Variants in CWC15 observed in about 807,000 individuals in gnomAD.
The protein encoded by CWC15 is CWC15 spliceosome associated protein, also known as spliceosome-associated protein CWC15 homolog.
CWC15 carries 12 observed loss-of-function variants against 28.4 expected under a neutral mutation model. That is an observed-to-expected ratio of 0.42 (90% CI 0.27 to 0.69). CWC15 has a LOEUF of 0.69. Among genes scored for constraint, CWC15 ranks in the 30% least tolerant of loss-of-function variants. CWC15 has a pLI of 0.23. For synonymous variants in CWC15, 92 were observed against 88.4 expected (o/e 1.04, Z -0.23); for missense variants, 192 against 271.5 (o/e 0.71, Z 2.06).
At chr11:94,964,673 T>G (rs913221269) in intron 6 of CWC15, among the ~76,000 whole-genome samples, 3 of 152,196 alleles carry the variant, frequency 2.0e-5, no homozygotes, top group South Asian at 2.1e-4. Flanking sequence ...AAACACTTTG[T>G]TTCACTTCTT....
In CWC15 at chr11:94,970,868, A is replaced by G. The variant is rs587725696; in HGVS notation, c.333+109T>C. ...GAGGTCAGGGCTATATTTGAATAACAGTAACTAAACATAAATATATGTCAC... is the reference window on the plus strand; with the variant it reads ...GAGGTCAGGGCTATATTTGAATAACGGTAACTAAACATAAATATATGTCAC... On this transcript the variant is annotated intron_variant, in intron 4 of 6. Transcript: ENST00000279839. The G allele has an allele frequency of 1.6e-4, 149 of 906,164 alleles. No homozygotes were observed. In the African/African-American group the frequency reaches 1.9e-3, roughly 11 times the overall value. 56.1% of individuals were successfully genotyped at this position (906,164 alleles called of 1,614,324 possible).
chr11:94,966,365 G>A lies in CWC15; in HGVS notation c.490C>T (p.Leu164=). 1 of 1,558,400 alleles carries A rather than the reference G, an allele frequency of 6.4e-7. No homozygotes were observed. The highest frequency in any genetic ancestry group is 1.2e-5 in the South Asian group (1 of 84,506). The change falls in exon 6 of 7, where the codon CTG becomes TTG. Residue 164 remains leucine, a synonymous_variant. Coordinates refer to ENST00000279839, the MANE Select transcript of CWC15 (RefSeq NM_016403.4). ...EEERIRMENI[L]SGNPLLNLTG... is the part of the protein sequence containing the mutation. ...AGATTAAGGAGAGGGTTTCCGCTCA[G>A]AATGTTTTCCATACGAATCCTCTCT...
chr11:94,963,301 G>T lies in CWC15; in HGVS notation c.*84C>A. The T allele has an allele frequency of 9.0e-7, 1 of 1,109,012 alleles. No homozygotes were observed. The highest frequency in any genetic ancestry group is 1.2e-6 in the Non-Finnish European group (1 of 826,384). 68.7% of individuals were successfully genotyped at this position (1,109,012 alleles called of 1,614,324 possible). ...GGGAAGCCCACACACAATTTAGACA[G>T]GGGAAAAGAAAAAAAAAACTCATAA... On this transcript the variant is annotated 3_prime_UTR_variant, in exon 7 of 7. Transcript: ENST00000279839.
At chr11:94,963,566 A>G in intron 6 of CWC15, 52 bp from the exon 7 acceptor site, 1 of 1,513,108 alleles carries the variant, frequency 6.6e-7, no homozygotes, top group Non-Finnish European at 8.9e-7. Context: ...ATCAGGAGAC[A>G]AGAATACTAC....
chr11:94,971,545 C>G (rs1857722342), intron 2 of CWC15, 58 bp from the exon 3 acceptor site: 58 of 962,926 alleles, frequency 6.0e-5, no homozygotes, highest in East Asian at 1.8e-4. Context: ...CACACACACA[C>G]AGAGACTGTA....
chr11:94,970,562 T>C lies in CWC15; in HGVS notation c.333+415A>G, dbSNP rs1857705183. On this transcript the variant is annotated intron_variant, in intron 4 of 6. Transcript: ENST00000279839. Reference sequence around the variant, plus strand: ...CCCTCCCTAAGCACAGAGGGAACCATTAAGTGTATTGCACTTATAGAAGGG... The same window carrying C: ...CCCTCCCTAAGCACAGAGGGAACCACTAAGTGTATTGCACTTATAGAAGGG... 4 of 183,024 alleles carry C rather than the reference T, an allele frequency of 2.2e-5. No homozygotes were observed. The South Asian group carries it at 4.6e-4, about 21-fold the overall frequency. The allele number at this position is 183,024 out of a possible 1,614,324, so 11.3% of individuals were successfully genotyped here. A position where few individuals can be genotyped will look rare whatever the true frequency, so the allele number is the denominator to read the frequency against.
chr11:94,964,011 T>C (rs919013432), intron 6 of CWC15, among the ~76,000 whole-genome samples: 5 of 152,214 alleles, frequency 3.3e-5, no homozygotes, highest in South Asian at 4.1e-4. Context: ...GAAGGAATCA[T>C]TGGGGTATAA....
chr11:94,971,525 A>ACAC, intron 2 of CWC15, 38 bp from the exon 3 acceptor site: 1 of 781,028 alleles, frequency 1.3e-6, no homozygotes. Context: ...ATGTTACTTA[A>ACAC]ACACACACAC....
At position 94,962,633 on chromosome 11, in the gene CWC15, G is replaced by T. The variant is rs587775894; in HGVS notation, c.*752C>A. 1 of 152,238 alleles carries T rather than the reference G, an allele frequency of 6.6e-6. No individual in the cohort carries two copies. The highest frequency in any genetic ancestry group is 1.5e-5 in the Non-Finnish European group (1 of 68,012). 9.4% of individuals were successfully genotyped at this position (152,238 alleles called of 1,614,324 possible). On this transcript the variant is annotated 3_prime_UTR_variant, in exon 7 of 7. Coordinates refer to ENST00000279839, the MANE Select transcript of CWC15 (RefSeq NM_016403.4). Reference sequence around the variant, plus strand: ...AGATAACAAAACTGTTATTTCCAAAGGTTTTATTTTATATATTGTTTGAAG... The same window carrying T: ...AGATAACAAAACTGTTATTTCCAAATGTTTTATTTTATATATTGTTTGAAG...
chr11:94,970,117 C>T, intron 4 of CWC15, 21 bp from the exon 5 acceptor site: 1 of 1,286,206 alleles, frequency 7.8e-7, no homozygotes, highest in Non-Finnish European at 1.1e-6. Context: ...AGTGAGAGCC[C>T]AGAAGATTGG....
intron 6 of CWC15, 114 bp from the exon 7 acceptor site, chr11:94,963,628 C>G: frequency 1.4e-6 from 1 of 730,910 alleles, no homozygotes; most frequent in Non-Finnish European, 2.0e-6. Context: ...ACATGTGTAT[C>G]ATCTGATGCA....
chr11:94,970,832 A>C (rs782084427), intron 4 of CWC15, 145 bp downstream of exon 4: 1 of 681,424 alleles, frequency 1.5e-6, no homozygotes, highest in Non-Finnish European at 2.6e-6. Context: ...TCAACTATAA[A>C]GTTTAGCACT....
At chr11:94,970,941 C>A in intron 4 of CWC15, 36 bp downstream of exon 4, 1 of 1,474,350 alleles carries the variant, frequency 6.8e-7, no homozygotes, top group South Asian at 1.1e-5. Flanking sequence ...CATGGTAAAT[C>A]AATTATTAGA....
chr11:94,963,465 G>A lies in CWC15; in HGVS notation c.610C>T (p.Gln204Ter). The A allele has an allele frequency of 6.3e-7, 1 of 1,581,802 alleles. No individual in the cohort carries two copies. The highest frequency in any genetic ancestry group is 1.8e-5 in the Admixed American group (1 of 55,132). Reference sequence around the variant, plus strand: ...TTTACAAATCTTTTGTCTTTCTTCTGGTCATCTACACCTTTTGCACAGTTC... The same window carrying A: ...TTTACAAATCTTTTGTCTTTCTTCTAGTCATCTACACCTTTTGCACAGTTC... ...FKNCAKGVDD[Q>*]KKDKRFVNDT... Residue 204 changes from glutamine to a stop codon, truncating the protein, a stop_gained, in exon 7 of 7, where the codon CAG becomes TAG. Transcript: ENST00000279839. LOFTEE classifies it high-confidence loss of function.
chr11:94,973,040 G>A (rs1171386153), intron 1 of CWC15, among the ~76,000 whole-genome samples: 1 of 81,364 alleles, frequency 1.2e-5, no homozygotes, highest in Non-Finnish European at 2.4e-5. Context: ...GAATTGGGAG[G>A]ATTTTTTGGG....
At chr11:94,964,862 G>A (rs1857616327) in intron 6 of CWC15, among the ~76,000 whole-genome samples, 1 of 152,212 alleles carries the variant, frequency 6.6e-6, no homozygotes, top group Non-Finnish European at 1.5e-5. Flanking sequence ...GCTCAGTTCT[G>A]ACTTCTCCTC....
chr11:94,970,014 T>C lies in CWC15; in HGVS notation c.416A>G (p.Glu139Gly). 6.4e-7 allele frequency: 1 copy of C among 1,568,950 alleles called. No individual in the cohort carries two copies. ...CTTCCTGGCCTGCTCTTCAGCTCTT[T>C]CTTTTTTAATTTTTTCCAGTTCTGC... ...LLAELEKIKK[E>G]RAEEQARKEQ... The change falls in exon 5 of 7, where the codon GAA becomes GGA. Residue 139 changes from glutamate (E) to glycine (G), a missense_variant. Coordinates refer to ENST00000279839, the MANE Select transcript of CWC15 (RefSeq NM_016403.4).
At chr11:94,972,215 A>C in intron 1 of CWC15, 22 bp from the exon 2 acceptor site, 5 of 1,605,442 alleles carry the variant, frequency 3.1e-6, no homozygotes, top group Non-Finnish European at 4.3e-6. Flanking sequence ...AATATAATCA[A>C]GTTATTTCCA....
intron 5 of CWC15, among the ~76,000 whole-genome samples, chr11:94,967,159 C>A (rs1361783449): frequency 9.2e-5 from 14 of 151,686 alleles, no homozygotes; most frequent in Non-Finnish European, 1.9e-4. Flanking sequence ...GATTCTCCTG[C>A]CTCAGCCTCT....
Sources: allele counts gnomAD v4.1 joint callset (sites outside exome capture counted in the v4.1 genomes callset), GRCh38; gene constraint gnomAD v4.1.1; transcripts MANE v1.5; gene names NCBI Gene and HGNC (gene_info 2026-07-23, HGNC 2026-07-21).